NKAIN2: variants seen among roughly 807,000 people sequenced by gnomAD.
NKAIN2 encodes the protein sodium/potassium-transporting ATPase subunit beta-1-interacting protein 2.
Under a neutral mutation model 32.6 loss-of-function variants are expected in NKAIN2, and 14 were observed. The observed-to-expected ratio is 0.43, with a 90% confidence interval of 0.28 to 0.67. The LOEUF (loss-of-function observed/expected upper bound fraction) is 0.67. Ranked by LOEUF, NKAIN2 falls within the 30% of genes least tolerant of loss-of-function variation. The pLI is 0.17. For missense variants in NKAIN2, 198 were observed against 258.3 expected (o/e 0.77, Z 1.60); for synonymous variants, 80 against 87.2 (o/e 0.92, Z 0.46).
At chr6:124,345,316 A>G (rs1042970481) in intron 2 of NKAIN2, among the ~76,000 whole-genome samples, 1 of 152,090 alleles carries the variant, frequency 6.6e-6, no homozygotes, top group East Asian at 1.9e-4. Flanking sequence ...TGTCTCTGCC[A>G]GTCTTTGGTA....
chr6:124,401,463 G>C (rs1033685287), intron 3 of NKAIN2, among the ~76,000 whole-genome samples: 1 of 152,108 alleles, frequency 6.6e-6, no homozygotes, highest in African/African-American at 2.4e-5. Flanking sequence ...GATGCTTTTG[G>C]GGGACAGCAG....
At chr6:124,051,304 G>T (rs1027396764) in intron 1 of NKAIN2, among the ~76,000 whole-genome samples, 1 of 151,966 alleles carries the variant, frequency 6.6e-6, no homozygotes, top group African/African-American at 2.4e-5. Flanking sequence ...GTGTTAAAAT[G>T]ATTATTACTG....
intron 3 of NKAIN2, among the ~76,000 whole-genome samples, chr6:124,501,484 G>A (rs1471913502): frequency 6.6e-6 from 1 of 152,154 alleles, no homozygotes; most frequent in Non-Finnish European, 1.5e-5. Context: ...GGTGTTAATG[G>A]ATTTTGTAAC....
Position 124,405,675 on chromosome 6 carries a change from C to A in NKAIN2, c.273+50328C>A, listed in dbSNP as rs577449116. ...AACTATAGGCGTGAGCCACCGCACC[C>A]GGCAAAACCTTTTTTATTATCCTAA... On this transcript the variant is annotated intron_variant, in intron 3 of 6. Transcript: ENST00000368417. Among the ~76,000 whole-genome samples, 9 of 151,980 alleles carry A rather than the reference C, an allele frequency of 5.9e-5. No individual in the cohort carries two copies. In the South Asian group the frequency reaches 8.3e-4, roughly 14 times the overall value.
At position 124,447,501 on chromosome 6, in the gene NKAIN2, T is replaced by C. The variant is rs1324881759; in HGVS notation, c.273+92154T>C. The stretch of plus-strand genomic sequence containing the variant: ...GGAGGAAATGACCTATTATAGGAAA[T>C]AAAATTTCGGTCACAACAAAGGAAT... On this transcript the variant is annotated intron_variant, in intron 3 of 6. Transcript: ENST00000368417. Among the ~76,000 whole-genome samples the C allele has an allele frequency of 3.9e-5, 6 of 152,074 alleles. No individual in the cohort carries two copies. In the East Asian group the frequency reaches 9.7e-4, roughly 24 times the overall value.
At chr6:124,575,107 A>G (rs1354253921) in intron 3 of NKAIN2, among the ~76,000 whole-genome samples, 5 of 152,220 alleles carry the variant, frequency 3.3e-5, no homozygotes, top group African/African-American at 9.6e-5. Flanking sequence ...TCTGAAAAGA[A>G]TCAAGGAAAG....
chr6:124,770,511 G>T (rs1369871663), intron 4 of NKAIN2, among the ~76,000 whole-genome samples: 1 of 152,070 alleles, frequency 6.6e-6, no homozygotes, highest in Non-Finnish European at 1.5e-5. Flanking sequence ...GATATTAAGG[G>T]TTTTGTCTGC....
intron 3 of NKAIN2, among the ~76,000 whole-genome samples, chr6:124,487,360 G>T (rs897840743): frequency 6.6e-6 from 1 of 152,080 alleles, no homozygotes; most frequent in African/African-American, 2.4e-5. Flanking sequence ...TAGCCATTTG[G>T]TCCAGTAAAA....
intron 1 of NKAIN2, among the ~76,000 whole-genome samples, chr6:123,864,209 A>T (rs961694330): frequency 2.0e-5 from 3 of 152,166 alleles, no homozygotes; most frequent in Admixed American, 6.5e-5. Context: ...ACATTGTAAG[A>T]AGTAGTTAGA....
At chr6:124,459,100 C>T (rs760599216) in intron 3 of NKAIN2, among the ~76,000 whole-genome samples, 3 of 151,808 alleles carry the variant, frequency 2.0e-5, no homozygotes, top group Non-Finnish European at 4.4e-5. Flanking sequence ...AATTCCCTTA[C>T]TAAAATATTT....
intron 1 of NKAIN2, among the ~76,000 whole-genome samples, chr6:124,053,159 A>G (rs1378490755): frequency 2.6e-5 from 4 of 152,012 alleles, no homozygotes; most frequent in Non-Finnish European, 5.9e-5. Flanking sequence ...AACTTGCATC[A>G]TGGGAGTTTG....
At chr6:124,541,808 C>T (rs1779923262) in intron 3 of NKAIN2, among the ~76,000 whole-genome samples, 1 of 152,144 alleles carries the variant, frequency 6.6e-6, no homozygotes, top group Admixed American at 6.5e-5. Flanking sequence ...GTGTTAACAT[C>T]TTTCAAGTTG....
intron 1 of NKAIN2, among the ~76,000 whole-genome samples, chr6:123,877,787 G>A (rs1484325977): frequency 6.6e-6 from 1 of 152,132 alleles, no homozygotes; most frequent in East Asian, 1.9e-4. Context: ...ATGTAGTATG[G>A]CCTTTAAAAC....
chr6:124,668,936 T>C (rs769626775), intron 4 of NKAIN2, among the ~76,000 whole-genome samples: 17 of 152,126 alleles, frequency 1.1e-4, no homozygotes, highest in Non-Finnish European at 2.1e-4. Flanking sequence ...TGATATGACA[T>C]AGCCATGTGG....
intron 1 of NKAIN2, among the ~76,000 whole-genome samples, chr6:124,147,041 C>T (rs1190326946): frequency 6.6e-6 from 1 of 152,088 alleles, no homozygotes; most frequent in Non-Finnish European, 1.5e-5. Flanking sequence ...ATGTATTTTA[C>T]AATGAAAAGT....
chr6:124,411,943 G>A (rs545039279), intron 3 of NKAIN2, among the ~76,000 whole-genome samples: 31 of 151,866 alleles, frequency 2.0e-4, no homozygotes, highest in Admixed American at 1.3e-3. Flanking sequence ...GTCTTCCATC[G>A]CTGATACCCT....
chr6:124,568,043 G>A (rs575918394), intron 3 of NKAIN2, among the ~76,000 whole-genome samples: 10 of 152,250 alleles, frequency 6.6e-5, no homozygotes, highest in Admixed American at 4.6e-4. Context: ...ATAAAAAGCA[G>A]AAGAGAGCAT....
chr6:124,807,684 A>T (rs1197575611), intron 5 of NKAIN2, among the ~76,000 whole-genome samples: 4 of 151,360 alleles, frequency 2.6e-5, no homozygotes, highest in Admixed American at 6.6e-5. Context: ...CCCTTCAAAA[A>T]ATTAATGAAT....
At chr6:124,232,426 C>A (rs1225968141) in intron 1 of NKAIN2, among the ~76,000 whole-genome samples, 2 of 151,928 alleles carry the variant, frequency 1.3e-5, no homozygotes, top group Non-Finnish European at 2.9e-5. Flanking sequence ...CATGATGAGC[C>A]TACATGTTAA....
Sources: gnomAD v4.1 joint callset for allele counts (sites outside exome capture counted in the v4.1 genomes callset) on GRCh38, gnomAD v4.1.1 for gene constraint, MANE v1.5 for transcripts, NCBI Gene and HGNC (gene_info 2026-07-23, HGNC 2026-07-21) for gene names.